VWA8: variants seen among roughly 807,000 people sequenced by gnomAD.
The protein encoded by VWA8 is von Willebrand factor A domain-containing protein 8.
Under a neutral mutation model 241.5 loss-of-function variants are expected in VWA8, and 221 were observed. That is an observed-to-expected ratio of 0.91 (90% CI 0.82 to 1.02). VWA8 has a LOEUF of 1.02. Among genes scored for constraint, VWA8 ranks in the 50% least tolerant of loss-of-function variants. The pLI is 0.00. For missense variants in VWA8, 2,322 were observed against 2,328.7 expected (o/e 1.00, Z 0.06); for synonymous variants, 852 against 827.1 (o/e 1.03, Z -0.52).
At chr13:41,908,381 G>C (rs942604066) in intron 3 of VWA8, among the ~76,000 whole-genome samples, 3 of 152,080 alleles carry the variant, frequency 2.0e-5, no homozygotes, top group Non-Finnish European at 4.4e-5. Flanking sequence ...CAGGAGAATT[G>C]CTTGAACCCA....
At chr13:41,739,819 G>GT (rs199771503) in intron 21 of VWA8, among the ~76,000 whole-genome samples, 5 of 74,950 alleles carry the variant, frequency 6.7e-5, no homozygotes, top group East Asian at 3.9e-4. Flanking sequence ...CAGTATCATT[G>GT]TTTTTTTGTT....
At chr13:41,628,201 T>TA (rs2044705440) in intron 37 of VWA8, among the ~76,000 whole-genome samples, 1 of 151,304 alleles carries the variant, frequency 6.6e-6, no homozygotes, top group Non-Finnish European at 1.5e-5. Flanking sequence ...ACAAAAAAAG[T>TA]AAAAAAATAA....
intron 9 of VWA8, among the ~76,000 whole-genome samples, chr13:41,875,430 T>C (rs1177959159): frequency 1.3e-5 from 2 of 152,102 alleles, no homozygotes; most frequent in African/African-American, 2.4e-5. Flanking sequence ...TTCTTCATTA[T>C]ACCTCATCCT....
At chr13:41,856,207 A>T (rs1169868251) in intron 12 of VWA8, among the ~76,000 whole-genome samples, 4 of 152,138 alleles carry the variant, frequency 2.6e-5, no homozygotes, top group Admixed American at 6.5e-5. Flanking sequence ...GGGGTAGCAC[A>T]CATCTGTAAT....
In VWA8 at chr13:41,603,060, C is replaced by T. The variant is rs949135354; in HGVS notation, c.4986+2108G>A. On this transcript the variant is annotated intron_variant, in intron 40 of 44. Coordinates refer to ENST00000379310, the MANE Select transcript of VWA8 (RefSeq NM_015058.2). Reference sequence around the variant, plus strand: ...CCACAGAGGAAGATAATAAAAACTCCCCTGAAATAATTACTCTCATTGAGG... The same window carrying T: ...CCACAGAGGAAGATAATAAAAACTCTCCTGAAATAATTACTCTCATTGAGG... Among the ~76,000 whole-genome samples, 69 of 152,024 alleles carry T rather than the reference C, an allele frequency of 4.5e-4. 2 individuals carry two copies.
intron 26 of VWA8, among the ~76,000 whole-genome samples, chr13:41,709,922 C>G (rs999977161): frequency 2.0e-5 from 3 of 152,058 alleles, no homozygotes; most frequent in Admixed American, 2.0e-4. Flanking sequence ...GCTGGGACTA[C>G]AAACATGCAC....
chr13:41,854,193 G>A (rs1340586928), intron 12 of VWA8, among the ~76,000 whole-genome samples: 1 of 152,022 alleles, frequency 6.6e-6, no homozygotes, highest in East Asian at 1.9e-4. Context: ...AAGAATATGA[G>A]TTCTAGTTGT....
intron 24 of VWA8, among the ~76,000 whole-genome samples, chr13:41,726,568 T>C (rs2045435475): frequency 6.6e-6 from 1 of 152,196 alleles, no homozygotes. Context: ...CCATTTTTTA[T>C]TCTGTGTTTT....
Position 41,891,474 on chromosome 13 carries a change from C to G in VWA8, c.597G>C (p.Gln199His), listed in dbSNP as rs764524395. The G allele has an allele frequency of 6.2e-7, 1 of 1,614,120 alleles. No individual in the cohort carries two copies. Among genetic ancestry groups the G allele is most frequent in the African/African-American group, 1.3e-5 (1 of 74,942 alleles). The change falls in exon 5 of 45, where the codon CAG becomes CAC. Residue 199 changes from glutamine to histidine, a missense_variant. Gln to His is a conservative substitution (Grantham distance 24, BLOSUM62 0). Transcript: ENST00000379310. Reference sequence around the variant, plus strand: ...ACATCAGGAAGCGTCCATCTTCAAGCTGCATCTCTCTGTTTTCCAGCAAGT... The same window carrying G: ...ACATCAGGAAGCGTCCATCTTCAAGGTGCATCTCTCTGTTTTCCAGCAAGT... ...LNNLLENREM[Q>H]LEDGRFLMSA...
intron 10 of VWA8, 36 bp downstream of exon 10, chr13:41,868,310 G>A: frequency 6.2e-7 from 1 of 1,611,052 alleles, no homozygotes; most frequent in Non-Finnish European, 8.5e-7. Flanking sequence ...GCAGAATAAG[G>A]TATATCATAG....
intron 37 of VWA8, among the ~76,000 whole-genome samples, chr13:41,661,136 T>C (rs1274824499): frequency 6.6e-6 from 1 of 152,194 alleles, no homozygotes; most frequent in Non-Finnish European, 1.5e-5. Flanking sequence ...AGTGCTGGGA[T>C]TACAAGTGTG....
chr13:41,888,408 T>G (rs1874651007), intron 5 of VWA8, among the ~76,000 whole-genome samples: 1 of 152,138 alleles, frequency 6.6e-6, no homozygotes, highest in South Asian at 2.1e-4. Flanking sequence ...CCTGATTCTC[T>G]CAGTCTCAGC....
chr13:41,634,366 T>G (rs554437664), intron 37 of VWA8, among the ~76,000 whole-genome samples: 12 of 152,306 alleles, frequency 7.9e-5, no homozygotes, highest in African/African-American at 2.9e-4. Flanking sequence ...ATGTTCTAGT[T>G]GTGTAGTCAT....
chr13:41,691,962 T>C (rs544593064), intron 30 of VWA8, 24 bp from the exon 31 acceptor site: 169 of 1,522,252 alleles, frequency 1.1e-4, no homozygotes, highest in Non-Finnish European at 1.5e-4. Context: ...AAACAAGATA[T>C]TCATATTAAA....
At chr13:41,851,992 T>C (rs1872547681) in intron 12 of VWA8, among the ~76,000 whole-genome samples, 2 of 152,200 alleles carry the variant, frequency 1.3e-5, no homozygotes, top group Admixed American at 1.3e-4. Flanking sequence ...TTTTTAATTT[T>C]TGAGGACCCT....
At chr13:41,917,505 G>C (rs1293480706) in intron 2 of VWA8, among the ~76,000 whole-genome samples, 1 of 152,202 alleles carries the variant, frequency 6.6e-6, no homozygotes, top group African/African-American at 2.4e-5. Context: ...TCAAAATAAA[G>C]ATAATAATAC....
At chr13:41,624,261 C>T (rs901744694) in intron 37 of VWA8, among the ~76,000 whole-genome samples, 1 of 152,160 alleles carries the variant, frequency 6.6e-6, no homozygotes, top group African/African-American at 2.4e-5. Flanking sequence ...AGAGCTGGAA[C>T]TAATCCTACT....
At chr13:41,684,034 T>C (rs1285148110) in intron 35 of VWA8, among the ~76,000 whole-genome samples, 1 of 152,186 alleles carries the variant, frequency 6.6e-6, no homozygotes, top group Non-Finnish European at 1.5e-5. Flanking sequence ...CAACTCATAG[T>C]CTCCAGAATG....
intron 32 of VWA8, 27 bp downstream of exon 32, chr13:41,691,293 C>T (rs202162786): frequency 8.7e-5 from 140 of 1,607,800 alleles, no homozygotes; most frequent in Non-Finnish European, 1.1e-4. Flanking sequence ...CAACATACTC[C>T]ATGATACACT....
Sources: allele counts gnomAD v4.1 joint callset (sites outside exome capture counted in the v4.1 genomes callset), GRCh38; gene constraint gnomAD v4.1.1; transcripts MANE v1.5; gene names NCBI Gene and HGNC (gene_info 2026-07-23, HGNC 2026-07-21).